The following TANC1 variants were observed in gnomAD, a reference collection of about 807,000 sequenced individuals.
The protein encoded by TANC1 is tetratricopeptide repeat, ankyrin repeat and coiled-coil containing 1, also known as protein TANC1.
Under a neutral mutation model 149.7 loss-of-function variants are expected in TANC1, and 77 were observed. That is an observed-to-expected ratio of 0.51 (90% CI 0.43 to 0.62). The LOEUF is 0.62. Among genes scored for constraint, TANC1 ranks in the 20% least tolerant of loss-of-function variants. TANC1 has a pLI of 0.00. For synonymous variants in TANC1, 854 were observed against 925.0 expected (o/e 0.92, Z 1.39); for missense variants, 1,985 against 2,321.8 (o/e 0.85, Z 2.98).
intron 10 of TANC1, among the ~76,000 whole-genome samples, 191 bp downstream of exon 10, chr2:159,170,996 G>A (rs560964517): frequency 3.5e-4 from 54 of 152,318 alleles, no homozygotes; most frequent in African/African-American, 1.2e-3. Flanking sequence ...TGTAAGCTGG[G>A]GCGAGGCCAG....
At chr2:159,009,023 A>G (rs1169742833) in intron 2 of TANC1, among the ~76,000 whole-genome samples, 2 of 152,190 alleles carry the variant, frequency 1.3e-5, no homozygotes, top group Non-Finnish European at 1.5e-5. Flanking sequence ...TAACTACTGA[A>G]GAAGGCAGCA....
At chr2:159,195,889 A>C (rs992773239) in intron 17 of TANC1, among the ~76,000 whole-genome samples, 3 of 152,234 alleles carry the variant, frequency 2.0e-5, no homozygotes, top group Non-Finnish European at 4.4e-5. Context: ...GTTGGCAGGC[A>C]TGCAAGGCTA....
At position 159,231,062 on chromosome 2, in the gene TANC1, G is replaced by C; in HGVS notation, c.*50G>C. ...AATTTGGAAACGTGTGTTGACTCCT[G>C]GTGGTAAATTAAATAGTTTTTTTCA... On this transcript the variant is annotated 3_prime_UTR_variant, in exon 27 of 27. Transcript: ENST00000263635. The C allele has an allele frequency of 3.6e-6, 5 of 1,398,240 alleles. No homozygotes were observed. The highest frequency in any genetic ancestry group is 4.9e-6 in the Non-Finnish European group (5 of 1,027,446). The allele number at this position is 1,398,240 out of a possible 1,614,324, so 86.6% of individuals were successfully genotyped here. A position where few individuals can be genotyped will look rare whatever the true frequency, so the allele number is the denominator to read the frequency against.
intron 4 of TANC1, among the ~76,000 whole-genome samples, chr2:159,108,963 G>A (rs1413110419): frequency 1.3e-5 from 2 of 152,166 alleles, no homozygotes; most frequent in Non-Finnish European, 2.9e-5. Context: ...CCCTTTTCTG[G>A]ACAAGGGCTC....
chr2:159,204,021 C>A (rs1449593382), intron 19 of TANC1, among the ~76,000 whole-genome samples: 2 of 152,192 alleles, frequency 1.3e-5, no homozygotes, highest in Non-Finnish European at 2.9e-5. Context: ...TAGCTACTAG[C>A]CACATGTGGC....
intron 2 of TANC1, among the ~76,000 whole-genome samples, chr2:159,018,397 T>G (rs2038485412): frequency 6.6e-6 from 1 of 152,200 alleles, no homozygotes; most frequent in African/African-American, 2.4e-5. Context: ...TTGGGGGTCT[T>G]TGGGATTATT....
Position 159,142,955 on chromosome 2 carries a change from C to T in TANC1, c.365-6187C>T, listed in dbSNP as rs191384680. The stretch of plus-strand genomic sequence containing the variant: ...GTGGGCACCTGTAATCCCAGCTACT[C>T]GGGAGGCTGAGGCAGGAGAATTGCT... On this transcript the variant is annotated intron_variant, in intron 5 of 26. Transcript: ENST00000263635. Among the ~76,000 whole-genome samples the T allele has an allele frequency of 4.0e-3, 605 of 151,218 alleles. 1 individual carries two copies. Among genetic ancestry groups the T allele is most frequent in the Non-Finnish European group, 7.3e-3 (493 of 67,828 alleles).
Position 159,119,863 on chromosome 2 carries a change from G to A in TANC1, c.260-16331G>A, listed in dbSNP as rs138382055. Among the ~76,000 whole-genome samples, 49 of 152,308 alleles carry A rather than the reference G, an allele frequency of 3.2e-4. No individual in the cohort carries two copies. The East Asian group carries it at 7.1e-3, about 22-fold the overall frequency. On this transcript the variant is annotated intron_variant, in intron 4 of 26. Coordinates refer to ENST00000263635, the MANE Select transcript of TANC1 (RefSeq NM_033394.3). ...CCCCCAAATATGGCTTTGCTGCTGC[G>A]CTTGATGTTTGCAAGAGGGAAGAGG... is the stretch of plus-strand genomic sequence containing the variant.
intron 3 of TANC1, among the ~76,000 whole-genome samples, chr2:159,073,348 C>T (rs1330004297): frequency 2.6e-5 from 4 of 152,138 alleles, no homozygotes; most frequent in African/African-American, 9.7e-5. Context: ...TGCTGAACTG[C>T]CTGTTTTCCT....
chr2:159,222,830 T>C (rs4665043), intron 22 of TANC1, among the ~76,000 whole-genome samples: 142,851 of 152,256 alleles, frequency 0.94, 67,066 homozygotes, highest in Admixed American at 0.96. Flanking sequence ...TTTTCCACAG[T>C]TGCTGCACCA....
intron 2 of TANC1, among the ~76,000 whole-genome samples, chr2:159,031,154 C>A (rs950492092): frequency 2.0e-5 from 3 of 152,210 alleles, no homozygotes; most frequent in Admixed American, 6.5e-5. Context: ...AATGCAGGAG[C>A]AAGAAAGCCA....
At chr2:158,995,881 C>T (rs1365657395) in intron 1 of TANC1, among the ~76,000 whole-genome samples, 6 of 152,194 alleles carry the variant, frequency 3.9e-5, no homozygotes, top group African/African-American at 1.4e-4. Flanking sequence ...CCTGCCGTGC[C>T]CTGTGCATCT....
intron 1 of TANC1, among the ~76,000 whole-genome samples, chr2:158,983,575 A>T (rs1207234630): frequency 6.6e-6 from 1 of 152,112 alleles, no homozygotes; most frequent in African/African-American, 2.4e-5. Flanking sequence ...ATCAGTATTT[A>T]AAAAATCAAT....
At chr2:159,170,862 T>C (rs1348044998) in intron 10 of TANC1, 57 bp downstream of exon 10, 1 of 1,572,836 alleles carries the variant, frequency 6.4e-7, no homozygotes, top group African/African-American at 1.4e-5. Flanking sequence ...ATGGAGGAAA[T>C]TGCTGTTCAC....
intron 2 of TANC1, among the ~76,000 whole-genome samples, chr2:159,026,099 T>A (rs2039319295): frequency 6.6e-6 from 1 of 152,166 alleles, no homozygotes; most frequent in African/African-American, 2.4e-5. Context: ...TCCTGGCTAA[T>A]TTTTAAATTT....
intron 4 of TANC1, among the ~76,000 whole-genome samples, chr2:159,130,273 C>G (rs967374836): frequency 2.0e-5 from 3 of 152,146 alleles, no homozygotes; most frequent in Admixed American, 2.0e-4. Context: ...GTATTACATT[C>G]TGGTTAATTT....
rs544409948 is a variant in TANC1 at position 159,045,289 on chromosome 2, G to A, written c.-15-20607G>A. ...TACTAAAAATACAAAAAAATTACCC[G>A]GGCATGGTGGCACATGCCTGTAGTC... On this transcript the variant is annotated intron_variant, in intron 2 of 26. Coordinates refer to ENST00000263635, the MANE Select transcript of TANC1 (RefSeq NM_033394.3). Among the ~76,000 whole-genome samples, 4 of 152,190 alleles carry A rather than the reference G, an allele frequency of 2.6e-5. No homozygotes were observed. The South Asian group carries it at 6.2e-4, about 24-fold the overall frequency.
At chr2:158,992,669 A>ATTTTTTTTTTTTTTT (rs70994251) in intron 1 of TANC1, among the ~76,000 whole-genome samples, 4 of 112,480 alleles carry the variant, frequency 3.6e-5, no homozygotes, top group Non-Finnish European at 3.6e-5. Flanking sequence ...TGCCCAGCTA[A>ATTTTTTTTTTTTTTT]TTTTTTTTTT....
rs1180396012 is a variant in TANC1, at chr2:159,103,056, A to G, written c.259+5222A>G. 2.2e-4 allele frequency among the ~76,000 whole-genome samples: 21 copies of G among 95,474 alleles called. 6 individuals carry two copies. The highest frequency in any genetic ancestry group is 5.2e-4 in the African/African-American group (18 of 34,514). The allele number at this position is 95,474 out of a possible 152,430, so 62.6% of individuals were successfully genotyped here. ...TTAAAAAAATTTTTAGCATGTTATA[A>G]TGTTTTCGCTATTCCTGGTGTGAAT... On this transcript the variant is annotated intron_variant, in intron 4 of 26. Coordinates refer to ENST00000263635, the MANE Select transcript of TANC1 (RefSeq NM_033394.3).
Sources: allele counts gnomAD v4.1 joint callset (sites outside exome capture counted in the v4.1 genomes callset), GRCh38; gene constraint gnomAD v4.1.1; transcripts MANE v1.5; gene names NCBI Gene and HGNC (gene_info 2026-07-23, HGNC 2026-07-21).